The following EPS15L1 variants were observed in gnomAD, a reference collection of about 807,000 sequenced individuals.
The protein encoded by EPS15L1 is epidermal growth factor receptor pathway substrate 15 like 1, also known as epidermal growth factor receptor substrate 15-like 1.
EPS15L1 carries 43 observed loss-of-function variants against 117.1 expected under a neutral mutation model. The ratio of observed to expected loss-of-function variants is 0.37; its 90% CI spans 0.29 to 0.47. EPS15L1 has a LOEUF of 0.47. Ranked by LOEUF, EPS15L1 falls within the 20% of genes least tolerant of loss-of-function variation. The probability of loss-of-function intolerance (pLI) is 0.99; values close to 1 mark genes in which losing one functional copy is unlikely to be tolerated. For synonymous variants in EPS15L1, 459 were observed against 470.5 expected (o/e 0.98, Z 0.32); for missense variants, 981 against 1,164.0 (o/e 0.84, Z 2.29).
chr19:16,381,204 G>C lies in EPS15L1; in HGVS notation c.2247+3925C>G, dbSNP rs2092358436. Among the ~76,000 whole-genome samples, 1 of 152,276 alleles carries C rather than the reference G, an allele frequency of 6.6e-6. No homozygotes were observed. The highest frequency in any genetic ancestry group is 1.5e-5 in the Non-Finnish European group (1 of 68,048). ...CACCTAATAATAGGCCCAGTGACCT[G>C]GCAGGGGGTCCCACTGTCAGCACCT... On this transcript the variant is annotated intron_variant, in intron 21 of 23. Coordinates refer to ENST00000455140, the MANE Select transcript of EPS15L1 (RefSeq NM_001258374.3). This position sits in a 1 kb window ranked among gnomAD's most constrained non-coding sequence, Gnocchi z 4.2.
chr19:16,381,701 C>CG lies in EPS15L1; in HGVS notation c.2247+3427dup, dbSNP rs1231620887. On this transcript the variant is annotated intron_variant, in intron 21 of 23. Coordinates refer to ENST00000455140, the MANE Select transcript of EPS15L1 (RefSeq NM_001258374.3). The surrounding 1 kb of genome is among the most constrained non-coding windows in gnomAD (Gnocchi z 4.2). ...CTGTCCGAGACATGAGGGGCAGTGT[C>CG]GGCCTGCAGCTTAGCTTTAAAATGG... Among the ~76,000 whole-genome samples the CG allele has an allele frequency of 6.6e-6, 1 of 152,190 alleles. No homozygotes were observed. The highest frequency in any genetic ancestry group is 1.5e-5 in the Non-Finnish European group (1 of 68,038).
chr19:16,362,511 CTTTTTTTTTTTTTTTT>C lies in EPS15L1; in HGVS notation c.2381-543_2381-528del, dbSNP rs71178690. On this transcript the variant is annotated intron_variant, in intron 22 of 23. Coordinates refer to ENST00000455140, the MANE Select transcript of EPS15L1 (RefSeq NM_001258374.3). ...GCTCTGCCATGCTGAGGTTTAAGTTCTTTTTTTTTTTTTTTTTTTTTTTTTTTTCAGAGACAGAGTC... is the reference window on the plus strand; with the variant it reads ...GCTCTGCCATGCTGAGGTTTAAGTTCTTTTTTTTTTTTCAGAGACAGAGTC... Among the ~76,000 whole-genome samples the C allele has an allele frequency of 1.4e-4, 8 of 56,068 alleles. No individual in the cohort carries two copies. The South Asian group carries it at 4.2e-3, about 30-fold the overall frequency. The allele number at this position is 56,068 out of a possible 152,430, so 36.8% of individuals were successfully genotyped here.
chr19:16,450,085 C>CAA (rs375434776), intron 1 of EPS15L1, among the ~76,000 whole-genome samples: 23 of 123,196 alleles, frequency 1.9e-4, no homozygotes, highest in African/African-American at 3.9e-4. Context: ...CCTATCTCTA[C>CAA]AAAAAAAAAA....
At chr19:16,387,089 G>A (rs967029760) in intron 19 of EPS15L1, among the ~76,000 whole-genome samples, 1 of 152,220 alleles carries the variant, frequency 6.6e-6, no homozygotes, top group Non-Finnish European at 1.5e-5. Flanking sequence ...GATTATAACT[G>A]TGCTGAATGA....
At chr19:16,363,988 T>A (rs2092097339) in intron 22 of EPS15L1, among the ~76,000 whole-genome samples, 1 of 152,184 alleles carries the variant, frequency 6.6e-6, no homozygotes, top group South Asian at 2.1e-4. Context: ...CCCACAGGGT[T>A]CCACCGGGGT....
chr19:16,385,357 C>T (rs2144741225), intron 20 of EPS15L1, 146 bp from the exon 21 acceptor site: 1 of 685,952 alleles, frequency 1.5e-6, no homozygotes, highest in South Asian at 1.7e-5. Flanking sequence ...TGCATGAAGG[C>T]CTCTCAGCAA....
intron 16 of EPS15L1, chr19:16,402,078 C>A: frequency 8.0e-7 from 1 of 1,255,954 alleles, no homozygotes; most frequent in Non-Finnish European, 1.0e-6. Flanking sequence ...GCATTCAAAA[C>A]AGGTTCTGAA....
At chr19:16,369,448 T>C (rs976662664) in intron 22 of EPS15L1, among the ~76,000 whole-genome samples, 26 of 152,328 alleles carry the variant, frequency 1.7e-4, no homozygotes, top group Admixed American at 1.5e-3. Context: ...TTTCCTGCCC[T>C]GTGAGGTGTG....
At chr19:16,396,176 T>C (rs2092538816) in intron 16 of EPS15L1, among the ~76,000 whole-genome samples, 1 of 152,232 alleles carries the variant, frequency 6.6e-6, no homozygotes, top group South Asian at 2.1e-4. Context: ...TTAATACTGG[T>C]TCATTAGTTG....
intron 13 of EPS15L1, among the ~76,000 whole-genome samples, chr19:16,410,150 G>T (rs540971826): frequency 2.8e-4 from 42 of 147,684 alleles, no homozygotes; most frequent in African/African-American, 1.0e-3. Flanking sequence ...AAAAAAAAAT[G>T]CAATTTAAAA....
chr19:16,464,991 A>T (rs1015581635), intron 1 of EPS15L1, among the ~76,000 whole-genome samples: 4 of 151,924 alleles, frequency 2.6e-5, no homozygotes, highest in Non-Finnish European at 5.9e-5. Flanking sequence ...AGGCAGTAGA[A>T]TGGCATGAAC....
At chr19:16,454,128 T>C (rs2093172790) in intron 1 of EPS15L1, among the ~76,000 whole-genome samples, 1 of 152,234 alleles carries the variant, frequency 6.6e-6, no homozygotes, top group Non-Finnish European at 1.5e-5. Flanking sequence ...GAGGGTTCGC[T>C]GTTTTCCCCC....
intron 16 of EPS15L1, 145 bp from the exon 17 acceptor site, chr19:16,395,612 G>A: frequency 1.2e-6 from 1 of 858,108 alleles, no homozygotes; most frequent in African/African-American, 1.7e-5. Flanking sequence ...AGGCTGGCCT[G>A]GGCAACATAG....
intron 19 of EPS15L1, 37 bp downstream of exon 19, chr19:16,392,267 C>T: frequency 6.2e-7 from 1 of 1,611,828 alleles, no homozygotes; most frequent in Non-Finnish European, 8.5e-7. Context: ...ACAGAGCAGG[C>T]ACGCAGCTCT....
chr19:16,432,286 TG>T (rs1156528406), intron 7 of EPS15L1, among the ~76,000 whole-genome samples: 2 of 152,002 alleles, frequency 1.3e-5, no homozygotes, highest in African/African-American at 4.8e-5. Context: ...ATACAAAAAT[TG>T]GCTGGGCATG....
intron 12 of EPS15L1, among the ~76,000 whole-genome samples, chr19:16,415,835 C>T (rs545195293): frequency 1.3e-5 from 2 of 152,258 alleles, no homozygotes; most frequent in African/African-American, 4.8e-5. Flanking sequence ...GGGCTCCCTC[C>T]ATCCTTGGCC....
intron 22 of EPS15L1, among the ~76,000 whole-genome samples, chr19:16,373,039 G>C (rs1362581466): frequency 6.6e-6 from 1 of 152,212 alleles, no homozygotes; most frequent in African/African-American, 2.4e-5. Context: ...TGGGAGCATG[G>C]GACATCAGAC....
intron 22 of EPS15L1, among the ~76,000 whole-genome samples, chr19:16,369,978 C>T (rs1478552104): frequency 6.6e-6 from 1 of 152,162 alleles, no homozygotes; most frequent in African/African-American, 2.4e-5. Flanking sequence ...TTCCTCCCTA[C>T]GGAGTGTGCC....
chr19:16,421,355 T>G lies in EPS15L1; in HGVS notation c.914A>C (p.His305Pro), dbSNP rs2092811963. ...TAGAAGGTTCTGGGTGAGGCCCGAG[T>G]GCATGAAGATCTCCTTCACCTCCTG... ...SGQEVKEIFMHSGLTQNLLAH... is the reference protein window; with the variant it reads ...SGQEVKEIFMPSGLTQNLLAH... The change falls in exon 10 of 24, where the codon CAC becomes CCC. Residue 305 changes from histidine (H) to proline (P), a missense_variant. Transcript: ENST00000455140. The G allele has an allele frequency of 6.2e-7, 1 of 1,613,408 alleles. No homozygotes were observed. The highest frequency in any genetic ancestry group is 1.3e-5 in the African/African-American group (1 of 75,012).
Sources: allele counts gnomAD v4.1 joint callset (sites outside exome capture counted in the v4.1 genomes callset), GRCh38; gene constraint gnomAD v4.1.1; non-coding constraint Gnocchi (gnomAD v3.1); transcripts MANE v1.5; gene names NCBI Gene and HGNC (gene_info 2026-07-23, HGNC 2026-07-21).